Variants in AIG1 observed in about 807,000 individuals in gnomAD.
AIG1 encodes androgen-induced gene 1 protein.
A neutral mutation model predicts 31.4 loss-of-function variants in AIG1; 23 were observed. The observed-to-expected ratio is 0.73, with a 90% CI of 0.53 to 1.04. AIG1 has a LOEUF of 1.04. AIG1 is among the 50% of genes least tolerant of loss of function. The pLI is 0.00. For missense variants in AIG1, 274 were observed against 295.0 expected (o/e 0.93, Z 0.52); for synonymous variants, 100 against 110.5 (o/e 0.90, Z 0.60).
intron 3 of AIG1, among the ~76,000 whole-genome samples, chr6:143,265,133 C>T (rs1422540212): frequency 6.6e-6 from 1 of 152,062 alleles, no homozygotes; most frequent in Non-Finnish European, 1.5e-5. Flanking sequence ...GCATTTATGT[C>T]CTTCTCCTTT....
At chr6:143,090,856 T>C (rs2128475703) in intron 1 of AIG1, among the ~76,000 whole-genome samples, 1 of 152,276 alleles carries the variant, frequency 6.6e-6, no homozygotes, top group Admixed American at 6.5e-5. Flanking sequence ...CTGCATTGAT[T>C]GACTTGTCCT....
At chr6:143,308,276 C>T (rs902514650) in intron 4 of AIG1, among the ~76,000 whole-genome samples, 1 of 152,244 alleles carries the variant, frequency 6.6e-6, no homozygotes, top group South Asian at 2.1e-4. Flanking sequence ...GATGGAAATG[C>T]AGAAATCACC....
At chr6:143,152,441 G>A (rs1195393170) in intron 2 of AIG1, among the ~76,000 whole-genome samples, 1 of 152,034 alleles carries the variant, frequency 6.6e-6, no homozygotes, top group African/African-American at 2.4e-5. Context: ...TGGAGAAAAG[G>A]CCCAAATAGT....
chr6:143,173,083 T>A (rs1787794393), intron 3 of AIG1, among the ~76,000 whole-genome samples: 2 of 152,010 alleles, frequency 1.3e-5, no homozygotes, highest in South Asian at 4.2e-4. Flanking sequence ...TTTGACAGAG[T>A]TTCACCCTGT....
chr6:143,229,454 G>C lies in AIG1; in HGVS notation c.400-54656G>C, dbSNP rs9376732. Among the ~76,000 whole-genome samples the C allele has an allele frequency of 4.5e-3, 691 of 152,280 alleles. 2 individuals carry two copies. The highest frequency in any genetic ancestry group is 0.016 in the African/African-American group (648 of 41,558). On this transcript the variant is annotated intron_variant, in intron 3 of 5. Coordinates refer to ENST00000357847, the MANE Select transcript of AIG1 (RefSeq NM_016108.4). ...TATCACAAACAGATAGGTGCAGCTT[G>C]TTGGGAAAAGTGTATTATTTTATCA...
intron 2 of AIG1, among the ~76,000 whole-genome samples, chr6:143,149,721 C>T (rs1562429858): frequency 6.6e-6 from 1 of 152,124 alleles, no homozygotes; most frequent in Non-Finnish European, 1.5e-5. Flanking sequence ...TTTTACGGAA[C>T]AGCTTGCAAA....
At chr6:143,160,958 T>C (rs1319611227) in intron 2 of AIG1, among the ~76,000 whole-genome samples, 4 of 152,176 alleles carry the variant, frequency 2.6e-5, no homozygotes, top group African/African-American at 9.6e-5. Context: ...AGCTTCACAC[T>C]GAGTCTCATG....
At chr6:143,228,414 A>C (rs548699252) in intron 3 of AIG1, among the ~76,000 whole-genome samples, 1 of 152,344 alleles carries the variant, frequency 6.6e-6, no homozygotes, top group South Asian at 2.1e-4. Context: ...CTACCTCTAC[A>C]GCGGGGACTG....
intron 2 of AIG1, among the ~76,000 whole-genome samples, chr6:143,150,104 G>A (rs575873543): frequency 2.0e-5 from 3 of 152,296 alleles, no homozygotes; most frequent in African/African-American, 4.8e-5. Flanking sequence ...TGAATTTTCA[G>A]TCAAATCTGC....
chr6:143,237,565 A>G (rs1046568486), intron 3 of AIG1, among the ~76,000 whole-genome samples: 1 of 152,244 alleles, frequency 6.6e-6, no homozygotes, highest in Admixed American at 6.5e-5. Context: ...AATATTTAGT[A>G]TGCATGTCCT....
At chr6:143,286,579 A>G (rs778710970) in intron 4 of AIG1, among the ~76,000 whole-genome samples, 1 of 152,040 alleles carries the variant, frequency 6.6e-6, no homozygotes. Flanking sequence ...CTTTCAGACT[A>G]TGTTAGGGCC....
intron 1 of AIG1, among the ~76,000 whole-genome samples, chr6:143,062,380 G>A (rs928553055): frequency 6.6e-6 from 1 of 152,112 alleles, no homozygotes; most frequent in Non-Finnish European, 1.5e-5. Flanking sequence ...CTCTGAACAT[G>A]CGTGATGCCT....
Position 143,280,443 on chromosome 6 carries a change from T to G in AIG1, c.400-3667T>G, listed in dbSNP as rs1797266024. ...GCACAAATGTTCATTGCAGCACCAC[T>G]CACAATAGCGAAAACATGGAATCAA... On this transcript the variant is annotated intron_variant, in intron 3 of 5. Coordinates refer to ENST00000357847, the MANE Select transcript of AIG1 (RefSeq NM_016108.4). The surrounding 1 kb of genome is among the most constrained non-coding windows in gnomAD (Gnocchi z 4.1). 6.6e-6 allele frequency among the ~76,000 whole-genome samples: 1 copy of G among 152,172 alleles called. No homozygotes were observed.
rs141299344 is a variant in AIG1, at chr6:143,092,012, A to G, written c.141+30946A>G. Among the ~76,000 whole-genome samples the G allele has an allele frequency of 2.8e-3, 426 of 152,312 alleles. 10 individuals carry two copies. In the East Asian group the frequency reaches 0.05, roughly 18 times the overall value. On this transcript the variant is annotated intron_variant, in intron 1 of 5. Transcript: ENST00000357847. ...AAAATAATATTTTACCTAAAAAAAA[A>G]TGGTGAATCCTTTCCAGAAAGTTTT...
At chr6:143,285,083 C>T (rs1023321742) in intron 4 of AIG1, among the ~76,000 whole-genome samples, 2 of 151,950 alleles carry the variant, frequency 1.3e-5, no homozygotes, top group African/African-American at 4.8e-5. Context: ...TTCCAAAAAC[C>T]CCTCAATTGT....
rs1335717281 is a variant in AIG1 at position 143,299,923 on chromosome 6, C to G, written c.515+15698C>G. ...CATTCTGAGTCAGTGTCAGGTGCCCCTTTCAAGTGGCACCCTCCATTCACC... is the reference window on the plus strand; with the variant it reads ...CATTCTGAGTCAGTGTCAGGTGCCCGTTTCAAGTGGCACCCTCCATTCACC... On this transcript the variant is annotated intron_variant, in intron 4 of 5. Transcript: ENST00000357847. The surrounding 1 kb of genome is among the most constrained non-coding windows in gnomAD (Gnocchi z 4.1). 1.3e-5 allele frequency among the ~76,000 whole-genome samples: 2 copies of G among 152,176 alleles called. No individual in the cohort carries two copies. The highest frequency in any genetic ancestry group is 2.4e-5 in the African/African-American group (1 of 41,444).
intron 3 of AIG1, among the ~76,000 whole-genome samples, chr6:143,264,682 C>T (rs1796032337): frequency 6.6e-6 from 1 of 152,232 alleles, no homozygotes; most frequent in Non-Finnish European, 1.5e-5. Flanking sequence ...CAGCTGGTCT[C>T]CCCATGCTAG....
rs1340554681 is a variant in AIG1, at chr6:143,298,165, A to G, written c.515+13940A>G. ...TGGAAGACTGCAACAAAGAAGTGAC[A>G]ATTCATTCATAAATTCTTGCCAGCC... On this transcript the variant is annotated intron_variant, in intron 4 of 5. Coordinates refer to ENST00000357847, the MANE Select transcript of AIG1 (RefSeq NM_016108.4). The surrounding 1 kb of genome is among the most constrained non-coding windows in gnomAD (Gnocchi z 5.1). 6.6e-6 allele frequency among the ~76,000 whole-genome samples: 1 copy of G among 152,132 alleles called. No homozygotes were observed. Among genetic ancestry groups the G allele is most frequent in the African/African-American group, 2.4e-5 (1 of 41,420 alleles).
intron 2 of AIG1, among the ~76,000 whole-genome samples, chr6:143,153,440 C>T (rs1275301488): frequency 4.6e-5 from 7 of 152,088 alleles, no homozygotes; most frequent in Non-Finnish European, 8.8e-5. Flanking sequence ...CTCCACCTCC[C>T]GGGTTCAAGT....
Sources: allele counts gnomAD v4.1 joint callset (sites outside exome capture counted in the v4.1 genomes callset), GRCh38; gene constraint gnomAD v4.1.1; non-coding constraint Gnocchi (gnomAD v3.1); transcripts MANE v1.5; gene names NCBI Gene and HGNC (gene_info 2026-07-23, HGNC 2026-07-21).